Variants in CENPP observed in about 807,000 individuals in gnomAD.
CENPP encodes the protein centromere protein P.
In CENPP, 24 loss-of-function variants were observed where a neutral mutation model predicts 35.6. The ratio of observed to expected loss-of-function variants is 0.67; its 90% CI spans 0.49 to 0.95. The LOEUF (loss-of-function observed/expected upper bound fraction) is 0.95. Ranked by LOEUF, CENPP falls within the 40% of genes least tolerant of loss-of-function variation. The pLI, the probability that CENPP is intolerant of heterozygous loss-of-function variation, is 0.00. For synonymous variants in CENPP, 120 were observed against 125.5 expected, an observed-to-expected ratio of 0.96 and a Z score of 0.29; for missense variants, 332 against 345.3, an observed-to-expected ratio of 0.96 and a Z score of 0.31.
chr9:92,478,651 C>T (rs145678731), intron 5 of CENPP, among the ~76,000 whole-genome samples: 417 of 152,096 alleles, frequency 2.7e-3, no homozygotes, highest in Non-Finnish European at 3.8e-3. Context: ...TGGGGTTTCA[C>T]CATGTTGGCC....
intron 4 of CENPP, among the ~76,000 whole-genome samples, chr9:92,349,004 G>C (rs139634255): frequency 6.6e-6 from 1 of 152,298 alleles, no homozygotes; most frequent in East Asian, 1.9e-4. Context: ...TTTGTGCTAT[G>C]TTTAGGGTAT....
chr9:92,462,427 A>G (rs757286523), intron 5 of CENPP, among the ~76,000 whole-genome samples: 9 of 152,238 alleles, frequency 5.9e-5, no homozygotes, highest in Non-Finnish European at 1.2e-4. Flanking sequence ...TGAAGCTGGA[A>G]TGAAAGGGAC....
intron 5 of CENPP, among the ~76,000 whole-genome samples, chr9:92,522,064 G>A (rs1452337376): frequency 6.6e-6 from 1 of 151,656 alleles, no homozygotes; most frequent in Non-Finnish European, 1.5e-5. Flanking sequence ...GTTTTTTGGG[G>A]GTTGTTTTGT....
intron 5 of CENPP, among the ~76,000 whole-genome samples, chr9:92,452,678 C>G (rs1445358967): frequency 6.6e-6 from 1 of 152,138 alleles, no homozygotes; most frequent in Admixed American, 6.5e-5. Context: ...GGAATGGTAC[C>G]AGTTCCTCCT....
At chr9:92,530,661 T>A (rs984744381) in intron 5 of CENPP, among the ~76,000 whole-genome samples, 2 of 152,232 alleles carry the variant, frequency 1.3e-5, no homozygotes, top group African/African-American at 4.8e-5. Context: ...GCTTTTGCTA[T>A]AAGATCTACT....
At chr9:92,509,305 C>A (rs1259183564) in intron 5 of CENPP, among the ~76,000 whole-genome samples, 1 of 152,146 alleles carries the variant, frequency 6.6e-6, no homozygotes, top group Non-Finnish European at 1.5e-5. Flanking sequence ...AAGTTAATAC[C>A]ATGAAGAGCA....
At chr9:92,575,424 T>G (rs1030905329) in intron 5 of CENPP, among the ~76,000 whole-genome samples, 3 of 152,124 alleles carry the variant, frequency 2.0e-5, no homozygotes, top group Non-Finnish European at 2.9e-5. Flanking sequence ...TATACACAAA[T>G]GGCCATTAAG....
rs1305641445 is a variant in CENPP, at chr9:92,611,254, T to TC, written c.565-57dup. ...CACCTGGAACGGTGCCCCGTGCCCCTCCCATGGCCCCTTTCTCCCCACCAG... is the reference window on the plus strand; with the variant it reads ...CACCTGGAACGGTGCCCCGTGCCCCTCCCCATGGCCCCTTTCTCCCCACCAG... On this transcript the variant is annotated intron_variant, in intron 5 of 7. Coordinates refer to ENST00000375587, the MANE Select transcript of CENPP (RefSeq NM_001012267.3). 6.4e-6 allele frequency: 9 copies of TC among 1,396,078 alleles called. No homozygotes were observed. The East Asian group carries it at 1.6e-4, about 25-fold the overall frequency. The allele number at this position is 1,396,078 out of a possible 1,614,324, so 86.5% of individuals were successfully genotyped here.
rs1563990177 is a variant in CENPP at position 92,532,016 on chromosome 9, T to TTTTTTTTTTTG, written c.565-79288_565-79287insGTTTTTTTTTT. On this transcript the variant is annotated intron_variant, in intron 5 of 7. Transcript: ENST00000375587. ...TTTCTTTTTCTTTTTTTATTTAATG[T>TTTTTTTTTTTG]TTTTTTTTTTTTATTTTATTTTTTT... 4.5e-4 allele frequency among the ~76,000 whole-genome samples: 48 copies of TTTTTTTTTTTG among 105,728 alleles called. 5 individuals are homozygous for TTTTTTTTTTTG. The highest frequency in any genetic ancestry group is 2.5e-3 in the African/African-American group (44 of 17,914). 69.4% of individuals were successfully genotyped at this position (105,728 alleles called of 152,430 possible). A position where few individuals can be genotyped will look rare whatever the true frequency, so the allele number is the denominator to read the frequency against.
At chr9:92,495,282 TA>T in intron 5 of CENPP, 2 of 785,376 alleles carry the variant, frequency 2.5e-6, no homozygotes, top group Non-Finnish European at 3.1e-6. Context: ...ATGTGTCTTA[TA>T]AATTACTTTA....
chr9:92,517,660 A>G, intron 5 of CENPP: 2 of 1,613,494 alleles, frequency 1.2e-6, no homozygotes, highest in Non-Finnish European at 1.7e-6. Context: ...TCACACACTG[A>G]TATTTTGCTT....
At chr9:92,427,055 T>C (rs1843985771) in intron 5 of CENPP, among the ~76,000 whole-genome samples, 1 of 152,150 alleles carries the variant, frequency 6.6e-6, no homozygotes. Flanking sequence ...TGGAGCATTG[T>C]ACAGTACCAG....
At chr9:92,396,244 A>C (rs1842885573) in intron 5 of CENPP, among the ~76,000 whole-genome samples, 1 of 152,132 alleles carries the variant, frequency 6.6e-6, no homozygotes, top group Admixed American at 6.5e-5. Context: ...CCAATACTGC[A>C]GTGTCTTGAT....
At chr9:92,414,601 A>G (rs543565600) in intron 5 of CENPP, 616 of 208,568 alleles carry the variant, frequency 3.0e-3, no homozygotes, top group Non-Finnish European at 4.1e-3. Flanking sequence ...ATATCATTCT[A>G]TGTGCTATGT....
At chr9:92,415,227 G>A (rs1843554543) in intron 5 of CENPP, 1 of 1,613,728 alleles carries the variant, frequency 6.2e-7, no homozygotes, top group Non-Finnish European at 8.5e-7. Flanking sequence ...CATGAGCATT[G>A]TCAGGATCAT....
At chr9:92,383,220 T>C (rs1459019889) in intron 5 of CENPP, among the ~76,000 whole-genome samples, 2 of 152,196 alleles carry the variant, frequency 1.3e-5, no homozygotes, top group Non-Finnish European at 2.9e-5. Flanking sequence ...CATTACTGTA[T>C]CTTTGTTGTA....
At chr9:92,447,518 C>T (rs1043196588) in intron 5 of CENPP, among the ~76,000 whole-genome samples, 4 of 152,204 alleles carry the variant, frequency 2.6e-5, no homozygotes, top group African/African-American at 7.2e-5. Flanking sequence ...GCTGTAAATA[C>T]AGATGAAGCT....
chr9:92,391,331 T>C (rs1213858208), intron 5 of CENPP, among the ~76,000 whole-genome samples: 2 of 151,430 alleles, frequency 1.3e-5, no homozygotes, highest in Non-Finnish European at 2.9e-5. Context: ...GGCATGAACC[T>C]GGGAGGCGGA....
chr9:92,479,750 C>G (rs1845846387), intron 5 of CENPP, among the ~76,000 whole-genome samples: 1 of 151,914 alleles, frequency 6.6e-6, no homozygotes, highest in Admixed American at 6.5e-5. Context: ...ATCCTGGTTG[C>G]TTGCAAAGAA....
Sources: allele counts gnomAD v4.1 joint callset (sites outside exome capture counted in the v4.1 genomes callset), GRCh38; gene constraint gnomAD v4.1.1; transcripts MANE v1.5; gene names NCBI Gene and HGNC (gene_info 2026-07-23, HGNC 2026-07-21).